CYTH3: variants seen among roughly 807,000 people sequenced by gnomAD.
CYTH3 encodes the protein cytohesin-3.
CYTH3 carries 23 observed loss-of-function variants against 55.1 expected under a neutral mutation model. The observed-to-expected ratio is 0.42, with a 90% CI of 0.30 to 0.59. The LOEUF (loss-of-function observed/expected upper bound fraction) is 0.59. Ranked by LOEUF, CYTH3 falls within the 20% of genes least tolerant of loss-of-function variation. The probability of loss-of-function intolerance (pLI) is 0.20; values close to 1 mark genes in which losing one functional copy is unlikely to be tolerated. For missense variants in CYTH3, 413 were observed against 524.8 expected, an observed-to-expected ratio of 0.79 and a Z score of 2.08; for synonymous variants, 249 against 194.9, an observed-to-expected ratio of 1.28 and a Z score of -2.31.
chr7:6,211,647 A>G (rs1301028822), intron 1 of CYTH3, among the ~76,000 whole-genome samples: 2 of 152,194 alleles, frequency 1.3e-5, no homozygotes, highest in East Asian at 3.9e-4. Context: ...ATATTCTTTT[A>G]TTTTTAAATG....
intron 1 of CYTH3, among the ~76,000 whole-genome samples, chr7:6,228,426 AG>A (rs1373518358): frequency 6.6e-6 from 1 of 151,928 alleles, no homozygotes; most frequent in Non-Finnish European, 1.5e-5. Context: ...TTCTAGGGGG[AG>A]GGGAGGGGTT....
At position 6,164,714 on chromosome 7, in the gene CYTH3, T is replaced by C; in HGVS notation, c.*230A>G. ...CGGCAGGAGGCCTCGAGGATCAGTCTGGGCCACGGTACGCTCTGGAGCAGC... is the reference window on the plus strand; with the variant it reads ...CGGCAGGAGGCCTCGAGGATCAGTCCGGGCCACGGTACGCTCTGGAGCAGC... On this transcript the variant is annotated 3_prime_UTR_variant, in exon 13 of 13. Coordinates refer to ENST00000350796, the MANE Select transcript of CYTH3 (RefSeq NM_004227.4). 1 of 608,402 alleles carries C rather than the reference T, an allele frequency of 1.6e-6. No individual in the cohort carries two copies. The highest frequency in any genetic ancestry group is 2.9e-6 in the Non-Finnish European group (1 of 341,818). The allele number at this position is 608,402 out of a possible 1,614,324, so 37.7% of individuals were successfully genotyped here. A position where few individuals can be genotyped will look rare whatever the true frequency, so the allele number is the denominator to read the frequency against.
chr7:6,207,439 CCTA>C (rs1784220333), intron 1 of CYTH3, among the ~76,000 whole-genome samples: 1 of 152,016 alleles, frequency 6.6e-6, no homozygotes, highest in Admixed American at 6.6e-5. Flanking sequence ...ATAAAGAATG[CCTA>C]CTTTTTAATG....
chr7:6,185,649 G>A (rs572949575), intron 4 of CYTH3, among the ~76,000 whole-genome samples: 17 of 150,582 alleles, frequency 1.1e-4, no homozygotes, highest in Admixed American at 6.6e-4. Context: ...GCGGTGGGCC[G>A]AGATCGCACC....
chr7:6,236,539 C>T (rs1779529117), intron 1 of CYTH3, among the ~76,000 whole-genome samples: 1 of 147,534 alleles, frequency 6.8e-6, no homozygotes, highest in South Asian at 2.2e-4. Context: ...TGATTAAGTC[C>T]ACCACCCCTC....
chr7:6,236,366 T>C (rs1779524151), intron 1 of CYTH3, among the ~76,000 whole-genome samples: 1 of 5,460 alleles, frequency 1.8e-4, no homozygotes, highest in Non-Finnish European at 9.3e-4. Flanking sequence ...ACGCCTGACT[T>C]TTTTTTTTTT....
chr7:6,227,036 C>G (rs1303606521), intron 1 of CYTH3, among the ~76,000 whole-genome samples: 1 of 149,666 alleles, frequency 6.7e-6, no homozygotes, highest in African/African-American at 2.5e-5. Flanking sequence ...GCTGAGATCG[C>G]GCCACTGCAC....
intron 1 of CYTH3, among the ~76,000 whole-genome samples, chr7:6,238,940 A>T (rs1237057423): frequency 1.3e-5 from 2 of 150,808 alleles, no homozygotes; most frequent in South Asian, 2.1e-4. Flanking sequence ...AAAGCCAAGC[A>T]CACTGGTTAG....
intron 1 of CYTH3, among the ~76,000 whole-genome samples, chr7:6,217,799 T>C (rs1201306006): frequency 6.6e-6 from 1 of 152,096 alleles, no homozygotes; most frequent in Non-Finnish European, 1.5e-5. Context: ...CCCAAAGATA[T>C]CCAGGTCCTA....
chr7:6,165,637 G>A (rs774463026), intron 10 of CYTH3, 21 bp from the exon 11 acceptor site: 3 of 1,613,410 alleles, frequency 1.9e-6, no homozygotes, highest in Non-Finnish European at 2.5e-6. Flanking sequence ...AAAGTACACG[G>A]CGGGGCTCAC....
At chr7:6,258,748 T>A (rs1780200006) in intron 1 of CYTH3, among the ~76,000 whole-genome samples, 1 of 152,200 alleles carries the variant, frequency 6.6e-6, no homozygotes, top group Non-Finnish European at 1.5e-5. Flanking sequence ...TGGTTTCAAA[T>A]CAAGAGTTGT....
chr7:6,248,720 C>G (rs1463081968), intron 1 of CYTH3, among the ~76,000 whole-genome samples: 4 of 152,340 alleles, frequency 2.6e-5, no homozygotes, highest in Admixed American at 2.6e-4. Flanking sequence ...TTAGCACAGC[C>G]AACACCACAT....
rs1057187894 is a variant in CYTH3 at position 6,244,913 on chromosome 7, C to T, written c.34+27561G>A. Among the ~76,000 whole-genome samples the T allele has an allele frequency of 7.5e-5, 11 of 147,302 alleles. No homozygotes were observed. The South Asian group carries it at 8.6e-4, about 12-fold the overall frequency. On this transcript the variant is annotated intron_variant, in intron 1 of 12. Transcript: ENST00000350796. ...ACGCCATTCTCCTGCCTCAGCCTCC[C>T]GAGTAGCTGGGACTACAGTCACCCG...
intron 1 of CYTH3, among the ~76,000 whole-genome samples, chr7:6,266,634 T>C (rs1329153951): frequency 6.6e-6 from 1 of 152,168 alleles, no homozygotes; most frequent in African/African-American, 2.4e-5. Flanking sequence ...GCTCCATGCC[T>C]TCCCTTCTGT....
chr7:6,221,943 C>T (rs796337188), intron 1 of CYTH3, among the ~76,000 whole-genome samples: 38 of 152,138 alleles, frequency 2.5e-4, no homozygotes, highest in African/African-American at 8.4e-4. Flanking sequence ...CAGAGCAAGA[C>T]GCTGTCAAAA....
At chr7:6,224,073 C>T (rs1779169687) in intron 1 of CYTH3, among the ~76,000 whole-genome samples, 1 of 151,882 alleles carries the variant, frequency 6.6e-6, no homozygotes, top group Admixed American at 6.6e-5. Context: ...CGTCTTCACA[C>T]AGAAAAAAAG....
At chr7:6,176,491 G>A (rs548534212) in intron 5 of CYTH3, among the ~76,000 whole-genome samples, 1 of 152,052 alleles carries the variant, frequency 6.6e-6, no homozygotes, top group African/African-American at 2.4e-5. Context: ...TCGATCTCCT[G>A]ACCTTGTGAT....
Position 6,223,080 on chromosome 7 carries a change from C to T in CYTH3, c.35-32549G>A, listed in dbSNP as rs547899652. Among the ~76,000 whole-genome samples the T allele has an allele frequency of 1.2e-4, 18 of 152,358 alleles. No individual in the cohort carries two copies. The East Asian group carries it at 1.3e-3, about 11-fold the overall frequency. On this transcript the variant is annotated intron_variant, in intron 1 of 12. Transcript: ENST00000350796. Reference sequence around the variant, plus strand: ...TCACTTCTCCTCTTAAATGCAGATGCGGTCTGGCATGTGAGAAGCGCCTCT... The same window carrying T: ...TCACTTCTCCTCTTAAATGCAGATGTGGTCTGGCATGTGAGAAGCGCCTCT...
chr7:6,187,029 A>C, intron 4 of CYTH3, 21 bp downstream of exon 4: 1 of 1,612,342 alleles, frequency 6.2e-7, no homozygotes, highest in East Asian at 2.2e-5. Flanking sequence ...GCAGGCCAGA[A>C]AAGGGAGAGC....
Sources: allele counts gnomAD v4.1 joint callset (sites outside exome capture counted in the v4.1 genomes callset), GRCh38; gene constraint gnomAD v4.1.1; transcripts MANE v1.5; gene names NCBI Gene and HGNC (gene_info 2026-07-23, HGNC 2026-07-21).